The following SASH1 variants were observed in gnomAD, a reference collection of about 807,000 sequenced individuals.
SASH1 encodes the protein SAM and SH3 domain containing 1.
A neutral mutation model predicts 125.2 loss-of-function variants in SASH1; 44 were observed. The observed-to-expected ratio is 0.35, with a 90% CI of 0.28 to 0.45. SASH1 has a LOEUF of 0.45. Among genes scored for constraint, SASH1 ranks in the 20% least tolerant of loss-of-function variants. SASH1 has a pLI of 1.00. For missense variants in SASH1, 1,426 were observed against 1,614.5 expected (o/e 0.88, Z 2.00); for synonymous variants, 639 against 649.1 (o/e 0.98, Z 0.24).
intron 1 of SASH1, among the ~76,000 whole-genome samples, chr6:148,385,410 T>C (rs758494539): frequency 7.2e-5 from 11 of 152,222 alleles, no homozygotes; most frequent in Non-Finnish European, 1.3e-4. Flanking sequence ...TTTATGATAT[T>C]GTGAAATACA....
chr6:148,274,286 A>T (rs893267710), intron 1 of SASH1, among the ~76,000 whole-genome samples: 3 of 152,184 alleles, frequency 2.0e-5, no homozygotes, highest in Admixed American at 1.3e-4. Flanking sequence ...AACAGAACAA[A>T]GCCTCCTCTT....
Position 148,440,101 on chromosome 6 carries a change from C to A in SASH1, c.286-83C>A, listed in dbSNP as rs1448652788. ...TACCCCAACCTTTCCCGAATCCTCC[C>A]CTCTCTTCTTACATGTCTATTTGTC... On this transcript the variant is annotated intron_variant, in intron 2 of 19. Transcript: ENST00000367467. 6.1e-6 allele frequency: 8 copies of A among 1,313,044 alleles called. No homozygotes were observed. The Admixed American group carries it at 1.4e-4, about 22-fold the overall frequency. 81.3% of individuals were successfully genotyped at this position (1,313,044 alleles called of 1,614,324 possible). A position where few individuals can be genotyped will look rare whatever the true frequency, so the allele number is the denominator to read the frequency against.
intron 8 of SASH1, among the ~76,000 whole-genome samples, chr6:148,497,589 G>A (rs983164057): frequency 1.8e-4 from 27 of 152,098 alleles, no homozygotes; most frequent in Non-Finnish European, 1.3e-4. Flanking sequence ...TGCCCTTCCC[G>A]TCAACTGTCA....
chr6:148,197,710 T>C, the SASH1 span, among the ~76,000 whole-genome samples: 1 of 152,216 alleles, frequency 6.6e-6, no homozygotes, highest in Non-Finnish European at 1.5e-5. Flanking sequence ...CCAATATGGT[T>C]TGGCTCTGTG....
chr6:148,468,437 C>T, intron 4 of SASH1, 108 bp from the exon 5 acceptor site: 1 of 766,416 alleles, frequency 1.3e-6, no homozygotes, highest in African/African-American at 1.8e-5. Context: ...AACAATTTCC[C>T]TGGCTGTATT....
At chr6:148,430,899 T>A (rs1471206070) in intron 2 of SASH1, among the ~76,000 whole-genome samples, 1 of 152,200 alleles carries the variant, frequency 6.6e-6, no homozygotes, top group African/African-American at 2.4e-5. Context: ...TATAGCCCTT[T>A]TAGAGTAAAA....
chr6:148,323,047 G>A (rs991411627), intron 1 of SASH1, among the ~76,000 whole-genome samples: 21 of 135,052 alleles, frequency 1.6e-4, no homozygotes, highest in South Asian at 1.0e-3. Flanking sequence ...TTTTTTTTGA[G>A]ACAGGGTTCT....
At chr6:148,211,603 G>C in the SASH1 span, among the ~76,000 whole-genome samples, 1 of 151,350 alleles carries the variant, frequency 6.6e-6, no homozygotes, top group Non-Finnish European at 1.5e-5. Flanking sequence ...CTAAAGGAAG[G>C]TACCAGTTAT....
intron 1 of SASH1, among the ~76,000 whole-genome samples, chr6:148,301,545 C>A (rs532438729): frequency 6.6e-6 from 1 of 151,918 alleles, no homozygotes; most frequent in Non-Finnish European, 1.5e-5. Flanking sequence ...GGATTACAGG[C>A]GTGAGCCACT....
At chr6:148,388,305 A>G (rs1783565380) in intron 1 of SASH1, among the ~76,000 whole-genome samples, 1 of 152,188 alleles carries the variant, frequency 6.6e-6, no homozygotes, top group Non-Finnish European at 1.5e-5. Context: ...TCAGAGGGGC[A>G]GCAACAGATT....
At chr6:148,327,243 G>T (rs888712015) in intron 1 of SASH1, among the ~76,000 whole-genome samples, 1 of 139,644 alleles carries the variant, frequency 7.2e-6, no homozygotes, top group African/African-American at 2.6e-5. Flanking sequence ...ACGAACGGAC[G>T]AATGAATGAA....
chr6:148,396,930 T>C (rs1783979982), intron 2 of SASH1, among the ~76,000 whole-genome samples: 1 of 152,222 alleles, frequency 6.6e-6, no homozygotes, highest in Admixed American at 6.5e-5. Context: ...TTGATTTCTT[T>C]CCGTTCCTTT....
chr6:148,256,664 C>T, the SASH1 span, among the ~76,000 whole-genome samples: 2 of 152,144 alleles, frequency 1.3e-5, no homozygotes, highest in Non-Finnish European at 2.9e-5. Flanking sequence ...GATAGAAAAG[C>T]AGGTCAGTGA....
Position 148,401,160 on chromosome 6 carries a change from G to A in SASH1, c.285+10898G>A, listed in dbSNP as rs537755427. Among the ~76,000 whole-genome samples, 13 of 152,024 alleles carry A rather than the reference G, an allele frequency of 8.6e-5. No homozygotes were observed. In the South Asian group the frequency reaches 2.5e-3, roughly 29 times the overall value. ...TCACAGCTACTTCGGAGGTTAAGGT[G>A]GGAGGATGGCTTGAGCTTAGGAGGC... On this transcript the variant is annotated intron_variant, in intron 2 of 19. Coordinates refer to ENST00000367467, the MANE Select transcript of SASH1 (RefSeq NM_015278.5).
chr6:148,540,135 A>G (rs917850913), intron 16 of SASH1, among the ~76,000 whole-genome samples: 5 of 152,178 alleles, frequency 3.3e-5, no homozygotes, highest in Non-Finnish European at 7.3e-5. Flanking sequence ...CTGCCAAAAC[A>G]ACACTCTACC....
At chr6:148,512,201 G>T (rs2115319859) in intron 8 of SASH1, among the ~76,000 whole-genome samples, 1 of 152,114 alleles carries the variant, frequency 6.6e-6, no homozygotes, top group Non-Finnish European at 1.5e-5. Context: ...TGTATTTTTA[G>T]TAGAGACGGG....
intron 1 of SASH1, among the ~76,000 whole-genome samples, chr6:148,313,646 C>T (rs1562319783): frequency 6.6e-6 from 1 of 152,028 alleles, no homozygotes; most frequent in East Asian, 1.9e-4. Flanking sequence ...GGCACGAGCT[C>T]GATGACATTT....
intron 2 of SASH1, among the ~76,000 whole-genome samples, chr6:148,417,314 C>T (rs753611324): frequency 2.6e-5 from 4 of 152,080 alleles, no homozygotes; most frequent in African/African-American, 7.2e-5. Flanking sequence ...TGGTCGGGCG[C>T]GGTGGCTCAT....
rs540941448 is a variant in SASH1 at position 148,430,417 on chromosome 6, C to T, written c.286-9767C>T. Among the ~76,000 whole-genome samples, 14 of 152,332 alleles carry T rather than the reference C, an allele frequency of 9.2e-5. No individual in the cohort carries two copies. In the South Asian group the frequency reaches 2.9e-3, roughly 32 times the overall value. ...CGCCATCTCAGCTTGCTGCAGCCTTCGCCTCCTGGGTTCAAGCGATTCTCC... is the reference window on the plus strand; with the variant it reads ...CGCCATCTCAGCTTGCTGCAGCCTTTGCCTCCTGGGTTCAAGCGATTCTCC... On this transcript the variant is annotated intron_variant, in intron 2 of 19. Coordinates refer to ENST00000367467, the MANE Select transcript of SASH1 (RefSeq NM_015278.5).
Sources: gnomAD v4.1 joint callset for allele counts (sites outside exome capture counted in the v4.1 genomes callset) on GRCh38, gnomAD v4.1.1 for gene constraint, MANE v1.5 for transcripts, NCBI Gene and HGNC (gene_info 2026-07-23, HGNC 2026-07-21) for gene names.